Variants in UTS2 observed in about 807,000 individuals in gnomAD.
UTS2 encodes the protein urotensin-2.
UTS2 carries 10 observed loss-of-function variants against 12.6 expected under a neutral mutation model. The observed-to-expected ratio is 0.80, with a 90% CI of 0.49 to 1.35. UTS2 has a LOEUF of 1.35. Ranked by LOEUF, UTS2 falls within the 40% of genes most tolerant of loss-of-function variation. The probability of loss-of-function intolerance (pLI) is 0.00; values close to 1 mark genes in which losing one functional copy is unlikely to be tolerated. For synonymous variants in UTS2, 52 were observed against 50.0 expected (o/e 1.04, Z -0.17); for missense variants, 142 against 143.2 (o/e 0.99, Z 0.04).
the UTS2 span, among the ~76,000 whole-genome samples, chr1:7,905,813 T>C: frequency 1.3e-5 from 2 of 152,158 alleles, no homozygotes. Flanking sequence ...TAGGGTTTGT[T>C]GAGGTTGGGC....
At chr1:7,882,018 A>G in the UTS2 span, among the ~76,000 whole-genome samples, 6 of 152,154 alleles carry the variant, frequency 3.9e-5, no homozygotes, top group African/African-American at 1.4e-4. Flanking sequence ...CCAAGAACAG[A>G]CACTGGGTAA....
chr1:7,912,758 T>C, the UTS2 span, among the ~76,000 whole-genome samples: 1 of 152,238 alleles, frequency 6.6e-6, no homozygotes, highest in East Asian at 1.9e-4. Flanking sequence ...AGTCCAGAGC[T>C]GTCCCTGGAA....
At chr1:7,858,181 A>T (rs373121161), upstream of UTS2, among the ~76,000 whole-genome samples, 58 of 152,358 alleles carry the variant, frequency 3.8e-4, no homozygotes, top group South Asian at 0.012. Flanking sequence ...GCTTAAAAGA[A>T]AATTAGCTTC....
chr1:7,852,790 A>T, intron 1 of UTS2, 111 bp downstream of exon 1: 1 of 1,263,746 alleles, frequency 7.9e-7, no homozygotes, highest in Non-Finnish European at 1.1e-6. Flanking sequence ...TATTGAGAGA[A>T]CAAGACTCCA....
the UTS2 span, among the ~76,000 whole-genome samples, chr1:7,860,914 C>T: frequency 2.6e-5 from 4 of 151,826 alleles, no homozygotes; most frequent in Admixed American, 1.3e-4. Flanking sequence ...TGGTGGTGGA[C>T]ACCTGGAATT....
chr1:7,850,788 C>T (rs943017838), intron 2 of UTS2, 24 bp downstream of exon 2: 19 of 1,608,952 alleles, frequency 1.2e-5, no homozygotes, highest in Admixed American at 1.7e-5. Flanking sequence ...ATCAGACACG[C>T]TATAAACATG....
chr1:7,848,104 C>T (rs1299128702), intron 3 of UTS2, among the ~76,000 whole-genome samples: 1 of 152,120 alleles, frequency 6.6e-6, no homozygotes, highest in East Asian at 1.9e-4. Context: ...TCTGTTCAGC[C>T]CAGCGATTGT....
At chr1:7,901,630 G>GTGTGTA in the UTS2 span, among the ~76,000 whole-genome samples, 46 of 150,824 alleles carry the variant, frequency 3.0e-4, no homozygotes, top group Non-Finnish European at 5.0e-4. Context: ...GTGTGTGTGT[G>GTGTGTA]TATATATATA....
the UTS2 span, among the ~76,000 whole-genome samples, chr1:7,907,069 C>T: frequency 2.0e-5 from 3 of 151,138 alleles, no homozygotes; most frequent in African/African-American, 7.3e-5. Context: ...GCCTGGGCAA[C>T]ATAGTAAGAC....
the UTS2 span, among the ~76,000 whole-genome samples, chr1:7,892,855 T>A: frequency 4.1e-4 from 63 of 152,206 alleles, no homozygotes; most frequent in African/African-American, 1.5e-3. Context: ...TCCAGGGAAC[T>A]CTCCCATCTC....
chr1:7,906,445 AAAAG>A, the UTS2 span, among the ~76,000 whole-genome samples: 8 of 104,276 alleles, frequency 7.7e-5, no homozygotes, highest in South Asian at 1.0e-3. Context: ...GAAAGAAAGA[AAAAG>A]AGAAAGAAAG....
At chr1:7,875,423 G>A in the UTS2 span, among the ~76,000 whole-genome samples, 1 of 152,122 alleles carries the variant, frequency 6.6e-6, no homozygotes, top group African/African-American at 2.4e-5. Flanking sequence ...AATACAACCT[G>A]CATGCACCTT....
At chr1:7,850,367 T>C (rs899434050) in intron 2 of UTS2, among the ~76,000 whole-genome samples, 9 of 152,160 alleles carry the variant, frequency 5.9e-5, no homozygotes, top group African/African-American at 9.7e-5. Context: ...ATTAATGACT[T>C]TCTGTGTGAC....
the UTS2 span, among the ~76,000 whole-genome samples, chr1:7,899,437 AAAAAT>A: frequency 6.6e-6 from 1 of 152,234 alleles, no homozygotes; most frequent in Non-Finnish European, 1.5e-5. Flanking sequence ...GGTGTTTTAA[AAAAAT>A]AAAATAATAA....
the UTS2 span, among the ~76,000 whole-genome samples, chr1:7,906,493 AAGAAAGAAAG>A: frequency 2.3e-4 from 35 of 150,022 alleles, no homozygotes; most frequent in Admixed American, 1.4e-3. Flanking sequence ...GAAAGAAAGA[AAGAAAGAAAG>A]AAAGAAAAGA....
chr1:7,909,112 C>T, the UTS2 span, among the ~76,000 whole-genome samples: 40 of 152,138 alleles, frequency 2.6e-4, no homozygotes, highest in Admixed American at 1.8e-3. Flanking sequence ...TCTTACATTG[C>T]GGAAAGACCT....
upstream of UTS2, chr1:7,853,421 T>C (rs766124573): frequency 1.9e-6 from 3 of 1,613,446 alleles, no homozygotes; most frequent in South Asian, 3.3e-5. Flanking sequence ...ATGAAATACG[T>C]TGGTTTCCAT....
At chr1:7,850,288 C>G (rs2097412668) in intron 2 of UTS2, among the ~76,000 whole-genome samples, 1 of 152,034 alleles carries the variant, frequency 6.6e-6, no homozygotes, top group Non-Finnish European at 1.5e-5. Context: ...AATTTTGTTT[C>G]CAGAACTTCC....
At chr1:7,853,384 C>G, upstream of UTS2, 1 of 1,614,098 alleles carries the variant, frequency 6.2e-7, no homozygotes, top group Non-Finnish European at 8.5e-7. Flanking sequence ...ATTTATGAGT[C>G]CGAGCAGAAG....
Sources: allele counts gnomAD v4.1 joint callset (sites outside exome capture counted in the v4.1 genomes callset), GRCh38; gene constraint gnomAD v4.1.1; transcripts MANE v1.5; gene names NCBI Gene and HGNC (gene_info 2026-07-23, HGNC 2026-07-21).